The following SPTBN4 variants were observed in gnomAD, a reference collection of about 807,000 sequenced individuals.
SPTBN4 encodes the protein spectrin beta chain, non-erythrocytic 4.
A neutral mutation model predicts 277.8 loss-of-function variants in SPTBN4; 96 were observed. The observed-to-expected ratio is 0.35, with a 90% confidence interval of 0.29 to 0.41. SPTBN4 has a LOEUF of 0.41. SPTBN4 is among the 10% of genes least tolerant of loss of function. The pLI, the probability that SPTBN4 is intolerant of heterozygous loss-of-function variation, is 1.00. For missense variants in SPTBN4, 3,006 were observed against 3,595.7 expected (o/e 0.84, Z 4.19); for synonymous variants, 1,481 against 1,580.3 (o/e 0.94, Z 1.49).
chr19:40,565,348 C>T, intron 27 of SPTBN4, 75 bp from the exon 28 acceptor site: 1 of 1,531,756 alleles, frequency 6.5e-7, no homozygotes, highest in South Asian at 1.3e-5. Flanking sequence ...GATTTGGGGT[C>T]ACCAGGAGCC....
intron 20 of SPTBN4, among the ~76,000 whole-genome samples, chr19:40,537,799 A>T (rs965866266): frequency 6.6e-6 from 1 of 152,124 alleles, no homozygotes; most frequent in Non-Finnish European, 1.5e-5. Flanking sequence ...CCAGGTGGGG[A>T]TGTGCACAGA....
chr19:40,519,029 TAA>T lies in SPTBN4; in HGVS notation c.2904-370_2904-369del, dbSNP rs1555816982. 6.6e-6 allele frequency among the ~76,000 whole-genome samples: 1 copy of T among 152,190 alleles called. No individual in the cohort carries two copies. The highest frequency in any genetic ancestry group is 1.5e-5 in the Non-Finnish European group (1 of 68,034). On this transcript the variant is annotated intron_variant, in intron 15 of 35. Transcript: ENST00000598249. This position sits in a 1 kb window ranked among gnomAD's most constrained non-coding sequence, Gnocchi z 5.7. ...TGTTTCGTACCTTTGCAAATCTCTT[TAA>T]AGTCTGGTTTAAGAGATGGCAGCTG...
chr19:40,480,223 C>A (rs1468200101), intron 2 of SPTBN4, among the ~76,000 whole-genome samples: 1 of 148,576 alleles, frequency 6.7e-6, no homozygotes, highest in Non-Finnish European at 1.5e-5. Flanking sequence ...TGCACTCCAG[C>A]CGGGGTTAAC....
In SPTBN4 at chr19:40,519,528, G is replaced by C; in HGVS notation, c.3031G>C (p.Glu1011Gln). The C allele has an allele frequency of 1.3e-6, 2 of 1,595,866 alleles. No individual in the cohort carries two copies. Among genetic ancestry groups the C allele is most frequent in the African/African-American group, 1.4e-5 (1 of 73,496 alleles). ...AQVREKRRAV[E>Q]SAPRAGGALQ... The stretch of plus-strand genomic sequence containing the variant: ...GGTGCGTGAGAAGCGGAGAGCTGTG[G>C]AGAGCGCGCCCCGGGCCGGCGGCGC... Residue 1011 changes from glutamate to glutamine, a missense_variant, in exon 16 of 36, where the codon GAG becomes CAG. Glu to Gln is a conservative substitution (Grantham distance 29). Around this residue, in one of 5 missense-constraint regions of SPTBN4, gnomAD observed 1,759 missense variants for 2,061.5 expected, o/e 0.85. Transcript: ENST00000598249. The surrounding 1 kb of genome is among the most constrained non-coding windows in gnomAD (Gnocchi z 5.7).
intron 2 of SPTBN4, among the ~76,000 whole-genome samples, chr19:40,487,009 T>A (rs185215441): frequency 0.02 from 2,939 of 150,546 alleles, 99 homozygotes; most frequent in African/African-American, 0.069. Flanking sequence ...GCGTCACAGG[T>A]AGGAGGAGAC....
At position 40,575,475 on chromosome 19, in the gene SPTBN4, G is replaced by T. The variant is rs921254185; in HGVS notation, c.7601G>T (p.Arg2534Leu). Residue 2534 changes from arginine (R) to leucine (L), a missense_variant, in exon 36 of 36, where the codon CGC (arginine) becomes CTC (leucine). Coordinates refer to ENST00000598249, the MANE Select transcript of SPTBN4 (RefSeq NM_020971.3). ...GTGGCGGAACACGCAGAGATCGCCCGCTGGGGCCAGACACTACCCACTACT... is the reference window on the plus strand; with the variant it reads ...GTGGCGGAACACGCAGAGATCGCCCTCTGGGGCCAGACACTACCCACTACT... ...SSVAEHAEIA[R>L]WGQTLPTTSS... The T allele has an allele frequency of 6.2e-7, 1 of 1,613,178 alleles. No homozygotes were observed. The highest frequency in any genetic ancestry group is 8.5e-7 in the Non-Finnish European group (1 of 1,179,802).
intron 2 of SPTBN4, among the ~76,000 whole-genome samples, chr19:40,479,118 G>A (rs2079980917): frequency 6.6e-6 from 1 of 151,940 alleles, no homozygotes; most frequent in South Asian, 2.1e-4. Context: ...TTTATTTTGA[G>A]GCAGAGTCTC....
intron 25 of SPTBN4, among the ~76,000 whole-genome samples, chr19:40,556,715 C>T (rs1266730293): frequency 6.6e-6 from 1 of 151,972 alleles, no homozygotes; most frequent in Non-Finnish European, 1.5e-5. Context: ...CACTTGAGGT[C>T]AGGAGTATGA....
rs1330889824 is a variant in SPTBN4, at chr19:40,554,238, C to T, written c.4766C>T (p.Ala1589Val). Reference sequence around the variant, plus strand: ...CTGGCGTCGCTGCGCAGCCCGGAGGCAGAGGCAGTGCGCCGGGGCCTGGAG... The same window carrying T: ...CTGGCGTCGCTGCGCAGCCCGGAGGTAGAGGCAGTGCGCCGGGGCCTGGAG... ...GALASLRSPE[A>V]EAVRRGLEQL... Residue 1589 changes from alanine to valine, a missense_variant, in exon 23 of 36, where the codon GCA becomes GTA. By Grantham distance (64) the Ala-to-Val change is moderately conservative. Transcript: ENST00000598249. The surrounding 1 kb of genome is among the most constrained non-coding windows in gnomAD (Gnocchi z 5.7). The T allele has an allele frequency of 6.6e-7, 1 of 1,524,324 alleles. No individual in the cohort carries two copies. The highest frequency in any genetic ancestry group is 1.2e-5 in the South Asian group (1 of 82,870). 94.4% of individuals were successfully genotyped at this position (1,524,324 alleles called of 1,614,324 possible).
At chr19:40,570,769 T>G in intron 33 of SPTBN4, 41 bp downstream of exon 33, 1 of 1,586,718 alleles carries the variant, frequency 6.3e-7, no homozygotes, top group East Asian at 2.3e-5. Flanking sequence ...GGTCTCAGGC[T>G]CAGGGTGACC....
chr19:40,504,074 C>T lies in SPTBN4; in HGVS notation c.1607C>T (p.Ala536Val). ...ARRTRLEQNLALQKVFQEMVY... is the reference protein window; with the variant it reads ...ARRTRLEQNLVLQKVFQEMVY... ...CGGACACGACTTGAGCAGAACCTTGCCCTGCAGAAGGTCTTCCAGGAGATG... is the reference window on the plus strand; with the variant it reads ...CGGACACGACTTGAGCAGAACCTTGTCCTGCAGAAGGTCTTCCAGGAGATG... The change falls in exon 12 of 36, where the codon GCC becomes GTC. Residue 536 changes from alanine (A) to valine (V), a missense_variant. By Grantham distance (64) the Ala-to-Val change is moderately conservative. Around this residue, in one of 5 missense-constraint regions of SPTBN4, gnomAD observed 1,759 missense variants for 2,061.5 expected, o/e 0.85. Transcript: ENST00000598249. 1 of 1,609,052 alleles carries T rather than the reference C, an allele frequency of 6.2e-7. No homozygotes were observed. Among genetic ancestry groups the T allele is most frequent in the Non-Finnish European group, 8.5e-7 (1 of 1,177,520 alleles).
intron 26 of SPTBN4, among the ~76,000 whole-genome samples, chr19:40,558,732 C>G (rs1354098932): frequency 6.6e-6 from 1 of 151,270 alleles, no homozygotes; most frequent in Admixed American, 6.6e-5. Context: ...CTCAGCCTTC[C>G]AAATAGCTGG....
chr19:40,469,333 C>T (rs186247256), intron 1 of SPTBN4, among the ~76,000 whole-genome samples: 4 of 152,102 alleles, frequency 2.6e-5, no homozygotes, highest in Admixed American at 2.0e-4. Context: ...GGCACAATCT[C>T]GGCTCACTAC....
chr19:40,513,321 C>T lies in SPTBN4; in HGVS notation c.2532C>T (p.Gly844=). Residue 844 remains glycine, a synonymous_variant, in exon 14 of 36, where the codon GGC becomes GGT. Transcript: ENST00000598249. ...TGGCGACACTCGGGGGTGCCAGTGG[C>T]GCAGGGCCACTGGTGGTGGCGCTGC... ...RQLATLGGAS[G]AGPLVVALQV... 4 of 1,573,460 alleles carry T rather than the reference C, an allele frequency of 2.5e-6. No homozygotes were observed. Among genetic ancestry groups the T allele is most frequent in the Non-Finnish European group, 3.4e-6 (4 of 1,162,676 alleles).
intron 3 of SPTBN4, 130 bp downstream of exon 3, chr19:40,487,978 C>A: frequency 9.1e-7 from 1 of 1,098,044 alleles, no homozygotes; most frequent in Non-Finnish European, 1.2e-6. Flanking sequence ...CTGGAAGGGC[C>A]CTGTGGGTAA....
At chr19:40,470,362 G>A (rs1158058760) in intron 1 of SPTBN4, among the ~76,000 whole-genome samples, 1 of 151,964 alleles carries the variant, frequency 6.6e-6, no homozygotes, top group African/African-American at 2.4e-5. Flanking sequence ...CCGGAGTGCA[G>A]TGGTGCCATC....
intron 18 of SPTBN4, chr19:40,530,476 C>T (rs1269715446): frequency 3.1e-6 from 3 of 977,782 alleles, no homozygotes; most frequent in Non-Finnish European, 1.2e-6. Flanking sequence ...AGGGAGGGGG[C>T]GCGCGGCCGC....
At chr19:40,524,126 C>T (rs2080561871) in intron 17 of SPTBN4, among the ~76,000 whole-genome samples, 2 of 152,140 alleles carry the variant, frequency 1.3e-5, no homozygotes, top group Admixed American at 1.3e-4. Flanking sequence ...TAACCTGAGG[C>T]TGTCAACCCA....
At chr19:40,559,121 G>A (rs1467114056) in intron 26 of SPTBN4, among the ~76,000 whole-genome samples, 1 of 151,216 alleles carries the variant, frequency 6.6e-6, no homozygotes, top group Non-Finnish European at 1.5e-5. Context: ...GTAGAGATGG[G>A]GTTTCACCAT....
Sources: allele counts gnomAD v4.1 joint callset (sites outside exome capture counted in the v4.1 genomes callset), GRCh38; gene constraint gnomAD v4.1.1; regional missense constraint gnomAD v4.1.1; non-coding constraint Gnocchi (gnomAD v3.1); transcripts MANE v1.5; gene names NCBI Gene and HGNC (gene_info 2026-07-23, HGNC 2026-07-21).